STAMBP: variants seen among roughly 807,000 people sequenced by gnomAD.
STAMBP encodes STAM binding protein.
STAMBP carries 31 observed loss-of-function variants against 50.7 expected under a neutral mutation model. That is an observed-to-expected ratio of 0.61 (90% confidence interval 0.46 to 0.83). The LOEUF (loss-of-function observed/expected upper bound fraction) is 0.83, where lower values mean the gene tolerates loss of function less well. STAMBP is among the 40% of genes least tolerant of loss of function. STAMBP has a pLI of 0.00. For missense variants in STAMBP, 472 were observed against 518.9 expected (o/e 0.91, Z 0.88); for synonymous variants, 211 against 192.4 (o/e 1.10, Z -0.80).
rs77000353 is a variant in STAMBP at position 73,850,429 on chromosome 2, G to T, written c.921G>T (p.Gly307=). ...TTCTCATCCCCAAGCAAAGTGCTGG[G>T]TCTGATTACTGCAACACAGAGAACG... ...THVLIPKQSA[G]SDYCNTENEE... is the part of the protein sequence containing the mutation. The change falls in exon 7 of 10, where the codon GGG becomes GGT. Residue 307 remains glycine (G), a synonymous_variant. Transcript: ENST00000394070. This position sits in a 1 kb window ranked among gnomAD's most constrained non-coding sequence, Gnocchi z 4.3. 23,330 of 1,613,844 alleles carry T rather than the reference G, an allele frequency of 0.014. 259 individuals carry two copies. The highest frequency in any genetic ancestry group is 0.026 in the Middle Eastern group (158 of 6,062).
chr2:73,838,319 C>T (rs949432007), intron 2 of STAMBP, among the ~76,000 whole-genome samples: 8 of 152,142 alleles, frequency 5.3e-5, no homozygotes, highest in African/African-American at 1.9e-4. Flanking sequence ...ACTTTATTTA[C>T]AAGAACAGAT....
downstream of STAMBP, among the ~76,000 whole-genome samples, chr2:73,868,262 TA>T (rs1163121353): frequency 2.0e-5 from 3 of 152,006 alleles, no homozygotes; most frequent in East Asian, 5.8e-4. Context: ...AATAGAACAC[TA>T]AAAAAATCAT....
intron 7 of STAMBP, among the ~76,000 whole-genome samples, chr2:73,851,363 T>C (rs1244417277): frequency 6.6e-6 from 1 of 152,168 alleles, no homozygotes; most frequent in Non-Finnish European, 1.5e-5. Context: ...TAAGGTATGA[T>C]TTTAGCCTCA....
intron 6 of STAMBP, 51 bp downstream of exon 6, chr2:73,849,538 C>G: frequency 6.5e-7 from 1 of 1,538,634 alleles, no homozygotes; most frequent in Non-Finnish European, 8.7e-7. Flanking sequence ...ACTGTTTCTT[C>G]CCCTCTTGGC....
Position 73,850,569 on chromosome 2 carries a change from A to T in STAMBP, c.1005+56A>T. 1 of 1,532,546 alleles carries T rather than the reference A, an allele frequency of 6.5e-7. No individual in the cohort carries two copies. The highest frequency in any genetic ancestry group is 1.3e-5 in the South Asian group (1 of 78,650). The allele number at this position is 1,532,546 out of a possible 1,614,324, so 94.9% of individuals were successfully genotyped here. On this transcript the variant is annotated intron_variant, in intron 7 of 9. Transcript: ENST00000394070. The surrounding 1 kb of genome is among the most constrained non-coding windows in gnomAD (Gnocchi z 4.3). ...TCTCTGCCTCTCCCATGGTGGTATA[A>T]ATACATGAGTGTTTCTTTGAACAAA...
chr2:73,852,727 TG>T, intron 7 of STAMBP, among the ~76,000 whole-genome samples: 1 of 152,122 alleles, frequency 6.6e-6, no homozygotes, highest in Middle Eastern at 3.4e-3. Flanking sequence ...TCGCCCAGGT[TG>T]GGGTGCAGTG....
chr2:73,843,211 A>T (rs201916537), intron 2 of STAMBP, among the ~76,000 whole-genome samples: 2 of 126,870 alleles, frequency 1.6e-5, no homozygotes, highest in African/African-American at 3.4e-5. Context: ...TTTTTTTTCC[A>T]AATAGAGATA....
intron 9 of STAMBP, among the ~76,000 whole-genome samples, chr2:73,861,444 T>C (rs1315781935): frequency 6.6e-6 from 1 of 152,054 alleles, no homozygotes; most frequent in Non-Finnish European, 1.5e-5. Flanking sequence ...ACCACTTAAA[T>C]AGCAGTCTGG....
rs67469518 is a variant in STAMBP, at chr2:73,832,084, CATATAT to C, written c.203+1045_203+1050del. 1.3e-4 allele frequency among the ~76,000 whole-genome samples: 16 copies of C among 118,520 alleles called. No individual in the cohort carries two copies. The South Asian group carries it at 1.6e-3, about 12-fold the overall frequency. The allele number at this position is 118,520 out of a possible 152,430, so 77.8% of individuals were successfully genotyped here. A position where few individuals can be genotyped will look rare whatever the true frequency, so the allele number is the denominator to read the frequency against. On this transcript the variant is annotated intron_variant, in intron 2 of 9. Coordinates refer to ENST00000394070, the MANE Select transcript of STAMBP (RefSeq NM_213622.4). ...TTACTACTGATTTTTGAGTAGGTAA[CATATAT>C]ATATATATATATATATATACACATA...
intron 10 of STAMBP, among the ~76,000 whole-genome samples, chr2:73,872,799 T>G (rs1679252057): frequency 6.6e-6 from 1 of 152,102 alleles, no homozygotes; most frequent in Non-Finnish European, 1.5e-5. Context: ...CTAGGATGTG[T>G]AAAATATGAG....
chr2:73,850,009 A>G lies in STAMBP; in HGVS notation c.868-367A>G, dbSNP rs778131366. Among the ~76,000 whole-genome samples the G allele has an allele frequency of 1.3e-5, 2 of 152,272 alleles. No individual in the cohort carries two copies. The highest frequency in any genetic ancestry group is 2.9e-5 in the Non-Finnish European group (2 of 68,044). ...AGAGTAAATGTAAGCCGAGGCTTAC[A>G]GGATGAGAAGGGCTTAAGGAAACAG... On this transcript the variant is annotated intron_variant, in intron 6 of 9. Coordinates refer to ENST00000394070, the MANE Select transcript of STAMBP (RefSeq NM_213622.4). The surrounding 1 kb of genome is among the most constrained non-coding windows in gnomAD (Gnocchi z 4.3).
chr2:73,851,688 G>A (rs1030318068), intron 7 of STAMBP, among the ~76,000 whole-genome samples: 3 of 148,510 alleles, frequency 2.0e-5, no homozygotes, highest in South Asian at 2.1e-4. Context: ...CACCCAGACT[G>A]GAGTGCAATG....
At chr2:73,845,793 G>T (rs574459866) in intron 4 of STAMBP, among the ~76,000 whole-genome samples, 1 of 151,842 alleles carries the variant, frequency 6.6e-6, no homozygotes, top group Non-Finnish European at 1.5e-5. Flanking sequence ...CACCATACCC[G>T]GCTAATTTTT....
At chr2:73,854,368 A>C (rs1677278312) in intron 7 of STAMBP, among the ~76,000 whole-genome samples, 1 of 152,266 alleles carries the variant, frequency 6.6e-6, no homozygotes, top group Non-Finnish European at 1.5e-5. Flanking sequence ...TACAGACTTC[A>C]GGTAGAACTT....
At position 73,829,397 on chromosome 2, in the gene STAMBP, A is replaced by T. The variant is rs1183461404; in HGVS notation, c.-126A>T. The T allele has an allele frequency of 6.6e-6, 1 of 151,596 alleles. No individual in the cohort carries two copies. Among genetic ancestry groups the T allele is most frequent in the Non-Finnish European group, 1.5e-5 (1 of 68,082 alleles). The allele number at this position is 151,596 out of a possible 1,614,324, so 9.4% of individuals were successfully genotyped here. ...GTCCTTTACGCCGCCTTTCCCCCTC[A>T]TTTGCAGATGCTGCATCCCCTTTTT... On this transcript the variant is annotated 5_prime_UTR_variant, in exon 1 of 10. Transcript: ENST00000394070.
At chr2:73,838,661 A>C (rs778453122) in intron 2 of STAMBP, among the ~76,000 whole-genome samples, 8 of 152,142 alleles carry the variant, frequency 5.3e-5, no homozygotes, top group Non-Finnish European at 1.0e-4. Flanking sequence ...ATTTTGAGTG[A>C]CATATTAGTG....
Position 73,847,667 on chromosome 2 carries a change from C to T in STAMBP, c.656C>T (p.Ser219Leu), listed in dbSNP as rs762034271. The T allele has an allele frequency of 6.2e-7, 1 of 1,614,212 alleles. No homozygotes were observed. Among genetic ancestry groups the T allele is most frequent in the Non-Finnish European group, 8.5e-7 (1 of 1,180,028 alleles). Residue 219 changes from serine to leucine, a missense_variant, in exon 5 of 10, where the codon TCA becomes TTA. Physicochemically the swap from Ser to Leu is moderately radical, Grantham distance 145. Transcript: ENST00000394070. The part of the protein sequence containing the change: ...PTLTVSSIQP[S>L]DCHTTVRPAK... ...TTAACAGTCTCATCCATACAGCCTT[C>T]AGACTGTCACACAACTGTAAGGCCA...
chr2:73,858,919 A>G (rs552276016), intron 7 of STAMBP, among the ~76,000 whole-genome samples: 6 of 151,186 alleles, frequency 4.0e-5, no homozygotes, highest in East Asian at 2.0e-4. Flanking sequence ...ATGAGCCCAG[A>G]CCCCCCAATG....
rs576444269 is a variant in STAMBP at position 73,850,308 on chromosome 2, C to T, written c.868-68C>T. ...GTATAGATGCTTACCTTTCCACTGT[C>T]GGGATGGAGTGGAGCAGGGTTGCAT... is the stretch of plus-strand genomic sequence containing the variant. On this transcript the variant is annotated intron_variant, in intron 6 of 9. Coordinates refer to ENST00000394070, the MANE Select transcript of STAMBP (RefSeq NM_213622.4). The surrounding 1 kb of genome is among the most constrained non-coding windows in gnomAD (Gnocchi z 4.3). The T allele has an allele frequency of 3.1e-5, 48 of 1,533,246 alleles. No individual in the cohort carries two copies. The highest frequency in any genetic ancestry group is 3.8e-5 in the South Asian group (3 of 78,110). 95.0% of individuals were successfully genotyped at this position (1,533,246 alleles called of 1,614,324 possible).
Sources: gnomAD v4.1 joint callset for allele counts (sites outside exome capture counted in the v4.1 genomes callset) on GRCh38, gnomAD v4.1.1 for gene constraint, Gnocchi (gnomAD v3.1) non-coding constraint, MANE v1.5 for transcripts, NCBI Gene and HGNC (gene_info 2026-07-23, HGNC 2026-07-21) for gene names.